DOCK9: variants seen among roughly 807,000 people sequenced by gnomAD.
DOCK9 encodes dedicator of cytokinesis 9.
A neutral mutation model predicts 263.3 loss-of-function variants in DOCK9; 89 were observed. The ratio of observed to expected loss-of-function variants is 0.34; its 90% CI spans 0.28 to 0.40. The LOEUF (loss-of-function observed/expected upper bound fraction) is 0.40, where lower values mean the gene tolerates loss of function less well. Ranked by LOEUF, DOCK9 falls within the 10% of genes least tolerant of loss-of-function variation. DOCK9 has a pLI of 1.00. For missense variants in DOCK9, 2,140 were observed against 2,603.4 expected (o/e 0.82, Z 3.87); for synonymous variants, 976 against 973.1 (o/e 1.00, Z -0.06).
intron 49 of DOCK9, 57 bp downstream of exon 49, chr13:98,804,942 G>C (rs562628068): frequency 7.9e-5 from 121 of 1,536,856 alleles, no homozygotes; most frequent in Middle Eastern, 4.4e-4. Flanking sequence ...AATCCCTCTG[G>C]ACAGCTCTTT....
intron 21 of DOCK9, 85 bp from the exon 22 acceptor site, chr13:98,883,984 G>T: frequency 2.2e-6 from 2 of 925,414 alleles, no homozygotes; most frequent in Non-Finnish European, 3.3e-6. Context: ...AATGATGAGG[G>T]ACTGAAAGAG....
At chr13:99,026,130 G>A (rs1292130204) in intron 1 of DOCK9, among the ~76,000 whole-genome samples, 1 of 138,502 alleles carries the variant, frequency 7.2e-6, no homozygotes, top group African/African-American at 2.7e-5. Context: ...GTTGGGTGGA[G>A]CAGAGTTCCG....
rs1003655933 is a variant in DOCK9, at chr13:98,794,267, T to C, written c.*359A>G. ...AGGCAAAAGGTCCCCCAGGCATCAA[T>C]GTCAGTGCAGCCCTCCCTGCCATGT... On this transcript the variant is annotated 3_prime_UTR_variant, in exon 53 of 53. Transcript: ENST00000682017. The C allele has an allele frequency of 9.5e-6, 2 of 211,396 alleles. No individual in the cohort carries two copies. The highest frequency in any genetic ancestry group is 2.3e-5 in the African/African-American group (1 of 43,868). 13.1% of individuals were successfully genotyped at this position (211,396 alleles called of 1,614,324 possible). A position where few individuals can be genotyped will look rare whatever the true frequency, so the allele number is the denominator to read the frequency against.
intron 2 of DOCK9, among the ~76,000 whole-genome samples, chr13:98,944,972 G>A (rs1175164784): frequency 1.3e-5 from 2 of 152,186 alleles, no homozygotes; most frequent in African/African-American, 4.8e-5. Context: ...AATTTGCACA[G>A]TCCAATGCTG....
At chr13:99,065,341 C>A (rs2041368817) in intron 1 of DOCK9, among the ~76,000 whole-genome samples, 1 of 152,182 alleles carries the variant, frequency 6.6e-6, no homozygotes, top group Admixed American at 6.5e-5. Flanking sequence ...CAACCCCCAG[C>A]TTTCTAATCC....
At chr13:98,800,602 C>A (rs1457328769) in intron 49 of DOCK9, 124 bp from the exon 50 acceptor site, 27 of 1,102,718 alleles carry the variant, frequency 2.4e-5, no homozygotes, top group Non-Finnish European at 8.8e-6. Flanking sequence ...AATAAGGAAC[C>A]CAAAGCTTGC....
chr13:98,795,114 T>A (rs980413455), intron 52 of DOCK9, among the ~76,000 whole-genome samples: 5 of 152,206 alleles, frequency 3.3e-5, no homozygotes, highest in African/African-American at 1.2e-4. Context: ...ACAAAGCTAG[T>A]GAATGGAGAG....
chr13:98,985,804 T>TG (rs11440958), intron 1 of DOCK9, among the ~76,000 whole-genome samples: 83,043 of 152,032 alleles, frequency 0.55, 22,958 homozygotes, highest in South Asian at 0.68. Context: ...CTTTGAGCGC[T>TG]GGTGAGGAGG....
intron 33 of DOCK9, chr13:98,856,306 G>A (rs1372692933): frequency 3.7e-6 from 1 of 272,272 alleles, no homozygotes; most frequent in East Asian, 6.9e-5. Context: ...GTTTCAGAAT[G>A]TGATAGAATG....
chr13:99,081,518 C>T (rs2042120231), intron 1 of DOCK9, among the ~76,000 whole-genome samples: 1 of 152,208 alleles, frequency 6.6e-6, no homozygotes, highest in African/African-American at 2.4e-5. Context: ...AGTAAGGAAG[C>T]CGGGCAGCCA....
chr13:98,926,034 C>G, intron 3 of DOCK9, 115 bp from the exon 4 acceptor site: 1 of 703,086 alleles, frequency 1.4e-6, no homozygotes, highest in East Asian at 2.8e-5. Context: ...AAAATTTTTT[C>G]CCATCAACGA....
At chr13:98,855,487 G>T (rs187964588) in intron 34 of DOCK9, among the ~76,000 whole-genome samples, 3 of 152,258 alleles carry the variant, frequency 2.0e-5, no homozygotes, top group Admixed American at 1.3e-4. Context: ...CAGAGGAGTC[G>T]TTTGAACCCA....
At chr13:98,882,493 C>G (rs1452876475) in intron 23 of DOCK9, among the ~76,000 whole-genome samples, 1 of 152,182 alleles carries the variant, frequency 6.6e-6, no homozygotes, top group African/African-American at 2.4e-5. Flanking sequence ...TCCCCATGCC[C>G]TTTTAGCTAT....
chr13:99,086,022 G>T (rs1218915493), intron 1 of DOCK9, among the ~76,000 whole-genome samples: 2 of 152,242 alleles, frequency 1.3e-5, no homozygotes, highest in African/African-American at 4.8e-5. Context: ...GCGGGGAGGG[G>T]TCTGGGAGTT....
intron 25 of DOCK9, 147 bp from the exon 26 acceptor site, chr13:98,880,819 G>C (rs1272972324): frequency 1.6e-5 from 18 of 1,108,828 alleles, no homozygotes; most frequent in Non-Finnish European, 2.3e-5. Context: ...TGGGAAGGGT[G>C]AGTGTCATGT....
At chr13:98,885,657 AAC>A in intron 20 of DOCK9, 49 bp downstream of exon 20, 1 of 1,544,310 alleles carries the variant, frequency 6.5e-7, no homozygotes, top group Non-Finnish European at 8.7e-7. Context: ...ACAATTTAAG[AAC>A]CTAATGTTTC....
At chr13:99,015,346 T>C in intron 1 of DOCK9, 4 of 1,039,238 alleles carry the variant, frequency 3.8e-6, no homozygotes, top group South Asian at 2.1e-5. Flanking sequence ...ACAGACTACA[T>C]ACATATAAGT....
At chr13:98,806,045 A>G (rs2090668657) in intron 48 of DOCK9, among the ~76,000 whole-genome samples, 1 of 151,952 alleles carries the variant, frequency 6.6e-6, no homozygotes, top group South Asian at 2.1e-4. Context: ...TTATTGAATG[A>G]CCTCCAGTCT....
At chr13:98,869,155 T>A (rs144365688) in intron 27 of DOCK9, among the ~76,000 whole-genome samples, 1 of 152,250 alleles carries the variant, frequency 6.6e-6, no homozygotes, top group Admixed American at 6.5e-5. Context: ...TAGTTAAAAC[T>A]GCTTGGCAGC....
Sources: allele counts gnomAD v4.1 joint callset (sites outside exome capture counted in the v4.1 genomes callset), GRCh38; gene constraint gnomAD v4.1.1; transcripts MANE v1.5; gene names NCBI Gene and HGNC (gene_info 2026-07-23, HGNC 2026-07-21).